The following SLCO6A1 variants were observed in gnomAD, a reference collection of about 807,000 sequenced individuals.
The protein encoded by SLCO6A1 is cancer/testis antigen 48.
A neutral mutation model predicts 72.7 loss-of-function variants in SLCO6A1; 65 were observed. The observed-to-expected ratio is 0.89, with a 90% CI of 0.73 to 1.10. The LOEUF (loss-of-function observed/expected upper bound fraction) is 1.10. SLCO6A1 is among the 50% of genes least tolerant of loss of function. SLCO6A1 has a pLI of 0.00. For synonymous variants in SLCO6A1, 314 were observed against 298.2 expected (o/e 1.05, Z -0.55); for missense variants, 874 against 872.6 (o/e 1.00, Z -0.02).
chr5:102,480,486 A>G (rs535094626), intron 1 of SLCO6A1, 52 bp from the exon 2 acceptor site: 3 of 1,523,546 alleles, frequency 2.0e-6, no homozygotes, highest in South Asian at 1.2e-5. Flanking sequence ...TTAAGAGGTC[A>G]TTATGATTAT....
At chr5:102,425,127 A>C (rs892195787) in intron 7 of SLCO6A1, among the ~76,000 whole-genome samples, 2 of 152,180 alleles carry the variant, frequency 1.3e-5, no homozygotes, top group Non-Finnish European at 2.9e-5. Flanking sequence ...TATCAAAATA[A>C]TAAGAGCTAT....
chr5:102,391,968 A>T (rs560325662), intron 10 of SLCO6A1, among the ~76,000 whole-genome samples: 6 of 152,216 alleles, frequency 3.9e-5, no homozygotes, highest in East Asian at 3.9e-4. Flanking sequence ...AAATACAATT[A>T]AAAATAATCC....
At chr5:102,472,653 G>A (rs1052490813) in intron 4 of SLCO6A1, among the ~76,000 whole-genome samples, 1 of 151,976 alleles carries the variant, frequency 6.6e-6, no homozygotes, top group African/African-American at 2.4e-5. Flanking sequence ...ATGAAATAGA[G>A]CCTGGAAAAA....
chr5:102,445,339 A>G (rs970699014), intron 6 of SLCO6A1, among the ~76,000 whole-genome samples: 1 of 152,038 alleles, frequency 6.6e-6, no homozygotes, highest in Non-Finnish European at 1.5e-5. Context: ...AGCATTTTTC[A>G]TATGTTTTTT....
At chr5:102,399,992 C>T (rs1335196777) in intron 9 of SLCO6A1, among the ~76,000 whole-genome samples, 1 of 151,324 alleles carries the variant, frequency 6.6e-6, no homozygotes, top group Non-Finnish European at 1.5e-5. Context: ...AGGAAAAGCT[C>T]TGTTAATTTA....
rs776555689 is a variant in SLCO6A1, at chr5:102,419,841, T to G, written c.1457A>C (p.Asn486Thr). The change falls in exon 8 of 14, where the codon AAT becomes ACT. Residue 486 changes from asparagine (N) to threonine (T), a missense_variant. Transcript: ENST00000506729. ...RCNPVQFAGI[N>T]EDYDGTGKLG... ...CTACATTTACCCATCATAATCTTCA[T>G]TGATCCCAGCAAATTGCACTGGATT... The G allele has an allele frequency of 3.1e-6, 5 of 1,598,558 alleles. No individual in the cohort carries two copies. The highest frequency in any genetic ancestry group is 2.6e-6 in the Non-Finnish European group (3 of 1,175,854).
intron 6 of SLCO6A1, among the ~76,000 whole-genome samples, 154 bp downstream of exon 6, chr5:102,458,228 G>A (rs1001536745): frequency 6.6e-6 from 1 of 151,872 alleles, no homozygotes; most frequent in African/African-American, 2.4e-5. Flanking sequence ...TTGTGCACAT[G>A]TACCCTAAAA....
At chr5:102,434,313 C>A (rs1749385357) in intron 7 of SLCO6A1, among the ~76,000 whole-genome samples, 1 of 152,024 alleles carries the variant, frequency 6.6e-6, no homozygotes, top group Non-Finnish European at 1.5e-5. Flanking sequence ...AGTATAATGC[C>A]TCCCTCTGGA....
At chr5:102,475,816 G>A in intron 3 of SLCO6A1, 23 bp from the exon 4 acceptor site, 1 of 1,517,642 alleles carries the variant, frequency 6.6e-7, no homozygotes, top group Non-Finnish European at 9.0e-7. Context: ...CACTGAAACT[G>A]AACATCAAAC....
At chr5:102,409,376 G>C (rs1471940449) in intron 9 of SLCO6A1, among the ~76,000 whole-genome samples, 1 of 151,952 alleles carries the variant, frequency 6.6e-6, no homozygotes, top group Admixed American at 6.6e-5. Context: ...TTTCATACTT[G>C]ACATATTTTC....
chr5:102,395,413 G>A (rs1435462437), intron 10 of SLCO6A1, among the ~76,000 whole-genome samples: 25 of 150,166 alleles, frequency 1.7e-4, no homozygotes, highest in South Asian at 4.3e-4. Context: ...GTGTATATGT[G>A]CCACATTTTC....
intron 1 of SLCO6A1, among the ~76,000 whole-genome samples, chr5:102,481,813 C>A (rs186206548): frequency 6.6e-6 from 1 of 152,252 alleles, no homozygotes. Flanking sequence ...TAATGTTAAT[C>A]CTTCAGTTTA....
Position 102,396,419 on chromosome 5 carries a change from T to C in SLCO6A1, c.1814+3136A>G, listed in dbSNP as rs539864260. On this transcript the variant is annotated intron_variant, in intron 10 of 13. Transcript: ENST00000506729. ...GCTTGTGAGGCTAGGCATCAATTAT[T>C]GTGCTTCTCTGTTTTAGATTCCCAA... Among the ~76,000 whole-genome samples, 3 of 152,330 alleles carry C rather than the reference T, an allele frequency of 2.0e-5. No homozygotes were observed. In the East Asian group the frequency reaches 5.8e-4, roughly 29 times the overall value.
At chr5:102,384,896 T>C (rs1580328854) in intron 12 of SLCO6A1, among the ~76,000 whole-genome samples, 1 of 152,102 alleles carries the variant, frequency 6.6e-6, no homozygotes, top group Non-Finnish European at 1.5e-5. Context: ...TCTCTCTTTT[T>C]AAGCAAAAAA....
chr5:102,387,854 A>G (rs1362193687), intron 12 of SLCO6A1, among the ~76,000 whole-genome samples: 1 of 152,194 alleles, frequency 6.6e-6, no homozygotes, highest in African/African-American at 2.4e-5. Context: ...CATTTAACAG[A>G]TGAATAAATT....
intron 6 of SLCO6A1, among the ~76,000 whole-genome samples, chr5:102,453,090 A>G (rs929020227): frequency 2.0e-5 from 3 of 152,214 alleles, no homozygotes; most frequent in Non-Finnish European, 4.4e-5. Flanking sequence ...TTGGTTATGT[A>G]GTCCCCCTAA....
At chr5:102,378,879 T>G (rs1745957052) in intron 12 of SLCO6A1, among the ~76,000 whole-genome samples, 3 of 152,118 alleles carry the variant, frequency 2.0e-5, no homozygotes, top group African/African-American at 7.2e-5. Context: ...CCTCCTGGGT[T>G]CAAGAGATTC....
At position 102,379,735 on chromosome 5, in the gene SLCO6A1, T is replaced by C. The variant is rs141130910; in HGVS notation, c.2018-6241A>G. On this transcript the variant is annotated intron_variant, in intron 12 of 13. Transcript: ENST00000506729. ...ATATTCTCATAGTAATTCTTACCCT[T>C]TAGCTTTCCATATGAATTTTAGTTA... 1.7e-3 allele frequency among the ~76,000 whole-genome samples: 263 copies of C among 150,650 alleles called. 2 individuals are homozygous for C. Among genetic ancestry groups the C allele is most frequent in the African/African-American group, 6.1e-3 (249 of 41,062 alleles).
Position 102,491,766 on chromosome 5 carries a change from G to A in SLCO6A1, c.358+6721C>T, listed in dbSNP as rs1181060973. On this transcript the variant is annotated intron_variant, in intron 1 of 13. Coordinates refer to ENST00000506729, the MANE Select transcript of SLCO6A1 (RefSeq NM_173488.5). ...TTGCAAGCTGAGGGAGCCGGCTCCG[G>A]CCTTGGCCAGCCCAGAAAGGGGCTC... 3.3e-5 allele frequency among the ~76,000 whole-genome samples: 5 copies of A among 152,248 alleles called. No homozygotes were observed. The East Asian group carries it at 9.6e-4, about 29-fold the overall frequency.
Sources: allele counts gnomAD v4.1 joint callset (sites outside exome capture counted in the v4.1 genomes callset), GRCh38; gene constraint gnomAD v4.1.1; transcripts MANE v1.5; gene names NCBI Gene and HGNC (gene_info 2026-07-23, HGNC 2026-07-21).